Variants in JARID2 observed in about 807,000 individuals in gnomAD.
The protein encoded by JARID2 is protein Jumonji.
Under a neutral mutation model 125.6 loss-of-function variants are expected in JARID2, and 21 were observed. The ratio of observed to expected loss-of-function variants is 0.17; its 90% confidence interval spans 0.12 to 0.24. The LOEUF is 0.24. JARID2 is among the 10% of genes least tolerant of loss of function. The probability of loss-of-function intolerance (pLI) is 1.00; values close to 1 mark genes in which losing one functional copy is unlikely to be tolerated. For missense variants in JARID2, 1,303 were observed against 1,639.6 expected (o/e 0.79, Z 3.55); for synonymous variants, 736 against 661.6 (o/e 1.11, Z -1.73).
intron 4 of JARID2, among the ~76,000 whole-genome samples, chr6:15,459,332 C>T (rs1768336845): frequency 6.6e-6 from 1 of 152,180 alleles, no homozygotes; most frequent in East Asian, 1.9e-4. Flanking sequence ...CTCCTGTATA[C>T]TTTAAATCAT....
chr6:15,497,375 T>C (rs1480562997), intron 7 of JARID2, among the ~76,000 whole-genome samples: 1 of 152,184 alleles, frequency 6.6e-6, no homozygotes, highest in Non-Finnish European at 1.5e-5. Flanking sequence ...AGAATGGTAT[T>C]GAGCTGCCGG....
At chr6:15,438,893 A>T (rs1220436892) in intron 3 of JARID2, among the ~76,000 whole-genome samples, 2 of 152,118 alleles carry the variant, frequency 1.3e-5, no homozygotes, top group Non-Finnish European at 2.9e-5. Flanking sequence ...TTAGCCAGGC[A>T]TGGTGTTGGG....
Position 15,299,777 on chromosome 6 carries a change from G to A in JARID2, c.45+53193G>A, listed in dbSNP as rs933204070. Among the ~76,000 whole-genome samples, 29 of 152,172 alleles carry A rather than the reference G, an allele frequency of 1.9e-4. 1 individual carries two copies. Among genetic ancestry groups the A allele is most frequent in the Non-Finnish European group, 3.4e-4 (23 of 68,024 alleles). ...GCAGCCTCTGTTTCCTCACTTCAGC[G>A]GGGTGGGCTTGGGTGTGGGTGAAAG... On this transcript the variant is annotated intron_variant, in intron 1 of 17. Transcript: ENST00000341776.
intron 1 of JARID2, among the ~76,000 whole-genome samples, chr6:15,269,928 A>G (rs1224677845): frequency 1.6e-4 from 25 of 152,114 alleles, no homozygotes; most frequent in Admixed American, 1.6e-3. Context: ...CTTCGCTGCA[A>G]CCTTGTCATT....
intron 5 of JARID2, among the ~76,000 whole-genome samples, chr6:15,474,864 A>G (rs146417282): frequency 1.3e-5 from 2 of 152,328 alleles, no homozygotes; most frequent in African/African-American, 2.4e-5. Context: ...ATTGCTATCT[A>G]TACTTTGTTT....
chr6:15,432,273 A>G (rs553251084), intron 3 of JARID2, among the ~76,000 whole-genome samples: 3 of 152,258 alleles, frequency 2.0e-5, no homozygotes, highest in African/African-American at 7.2e-5. Flanking sequence ...TACTAAAAAT[A>G]CAAAATTAGT....
chr6:15,513,419 C>A lies in JARID2; in HGVS notation c.3447C>A (p.Ser1149=). ...CQICQHLCYL[S]MVVQENENVV... is the part of the protein sequence containing the mutation. ...TCTGCCAGCACCTGTGCTACCTGTC[C>A]ATGGTGAGCCCGCCTGGCCCTGCCG... The change falls in exon 16 of 18, where the codon TCC becomes TCA. Residue 1149 remains serine, a synonymous_variant. Transcript: ENST00000341776. 1 of 1,599,706 alleles carries A rather than the reference C, an allele frequency of 6.3e-7. No homozygotes were observed. The highest frequency in any genetic ancestry group is 1.1e-5 in the South Asian group (1 of 89,324).
chr6:15,403,285 C>T (rs988472735), intron 2 of JARID2, among the ~76,000 whole-genome samples: 4 of 152,086 alleles, frequency 2.6e-5, no homozygotes, highest in Non-Finnish European at 1.5e-5. Flanking sequence ...GCCTTGTTGT[C>T]TATTTTTATT....
intron 1 of JARID2, among the ~76,000 whole-genome samples, chr6:15,311,374 T>G (rs1389933721): frequency 6.6e-6 from 1 of 152,154 alleles, no homozygotes; most frequent in Non-Finnish European, 1.5e-5. Flanking sequence ...GGTTGGGAGT[T>G]CGAGACTAGC....
At chr6:15,413,014 T>TTTTG (rs1765963652) in intron 3 of JARID2, among the ~76,000 whole-genome samples, 1 of 105,994 alleles carries the variant, frequency 9.4e-6, no homozygotes, top group Non-Finnish European at 2.0e-5. Flanking sequence ...TTTTGTTTTT[T>TTTTG]TTTTTTTTGT....
At chr6:15,299,834 T>C (rs1344889997) in intron 1 of JARID2, among the ~76,000 whole-genome samples, 3 of 152,178 alleles carry the variant, frequency 2.0e-5, no homozygotes, top group Non-Finnish European at 4.4e-5. Context: ...GTCATTTTTT[T>C]CTGGTAGTTT....
intron 2 of JARID2, among the ~76,000 whole-genome samples, chr6:15,392,905 G>C (rs1261950838): frequency 6.6e-6 from 1 of 151,972 alleles, no homozygotes; most frequent in East Asian, 1.9e-4. Context: ...GACTGGTCTC[G>C]AACTCCTGAC....
intron 1 of JARID2, among the ~76,000 whole-genome samples, chr6:15,303,413 C>A (rs1196737474): frequency 1.3e-5 from 2 of 152,252 alleles, no homozygotes; most frequent in Admixed American, 1.3e-4. Context: ...GGGCAGTAAT[C>A]CTGCACGGGC....
chr6:15,295,684 G>A (rs1159383014), intron 1 of JARID2, among the ~76,000 whole-genome samples: 6 of 152,112 alleles, frequency 3.9e-5, no homozygotes, highest in African/African-American at 1.4e-4. Flanking sequence ...TTATTTTTGA[G>A]ACGGAGTCTC....
rs913088287 is a variant in JARID2, at chr6:15,400,875, C to T, written c.182-9349C>T. The T allele has an allele frequency of 3.1e-6, 4 of 1,287,600 alleles. No individual in the cohort carries two copies. In the African/African-American group the frequency reaches 6.1e-5, roughly 20 times the overall value. The allele number at this position is 1,287,600 out of a possible 1,614,324, so 79.8% of individuals were successfully genotyped here. On this transcript the variant is annotated intron_variant, in intron 2 of 17. Transcript: ENST00000341776. ...TTGTTGACAAGTGCTCCGGAGCCTG[C>T]CTCACTGCGCTCTTCCTCCCTCCCT...
chr6:15,393,223 C>T (rs1765092646), intron 2 of JARID2, among the ~76,000 whole-genome samples: 1 of 152,138 alleles, frequency 6.6e-6, no homozygotes. Context: ...TGATATTTTA[C>T]TCAAATGCCT....
rs1294081563 is a variant in JARID2 at position 15,246,202 on chromosome 6, T to C, written c.-338T>C. Reference sequence around the variant, plus strand: ...TAAGGACCTTCACGTTTCGCTGATGTAGTTTTTGGAGGAAAAAGGGGGGGG... The same window carrying C: ...TAAGGACCTTCACGTTTCGCTGATGCAGTTTTTGGAGGAAAAAGGGGGGGG... On this transcript the variant is annotated 5_prime_UTR_variant, in exon 1 of 18. The change abolishes the stop of an existing upstream ORF in the 5' untranslated region. Coordinates refer to ENST00000341776, the MANE Select transcript of JARID2 (RefSeq NM_004973.4). 5 of 469,362 alleles carry C rather than the reference T, an allele frequency of 1.1e-5. No homozygotes were observed. The allele number at this position is 469,362 out of a possible 1,614,324, so 29.1% of individuals were successfully genotyped here.
At chr6:15,282,293 C>CCG (rs1760783252) in intron 1 of JARID2, among the ~76,000 whole-genome samples, 1 of 146,492 alleles carries the variant, frequency 6.8e-6, no homozygotes, top group South Asian at 2.2e-4. Flanking sequence ...AACCTTCAGC[C>CCG]AATCTACACA....
In JARID2 at chr6:15,520,537, C is replaced by A; in HGVS notation, c.*286C>A. On this transcript the variant is annotated 3_prime_UTR_variant, in exon 18 of 18. Coordinates refer to ENST00000341776, the MANE Select transcript of JARID2 (RefSeq NM_004973.4). ...GTATTGCCCCATGGCTGACAAAAGCCTTTTTTTTTGGTTTTGATTTTTTTT... is the reference window on the plus strand; with the variant it reads ...GTATTGCCCCATGGCTGACAAAAGCATTTTTTTTTGGTTTTGATTTTTTTT... 2.9e-6 allele frequency: 1 copy of A among 347,572 alleles called. No individual in the cohort carries two copies. Among genetic ancestry groups the A allele is most frequent in the Non-Finnish European group, 5.3e-6 (1 of 187,420 alleles). The allele number at this position is 347,572 out of a possible 1,614,324, so 21.5% of individuals were successfully genotyped here.
Sources: allele counts gnomAD v4.1 joint callset (sites outside exome capture counted in the v4.1 genomes callset), GRCh38; gene constraint gnomAD v4.1.1; transcripts MANE v1.5; gene names NCBI Gene and HGNC (gene_info 2026-07-23, HGNC 2026-07-21).